Variants in GLT8D2 observed in about 807,000 individuals in gnomAD.
GLT8D2 encodes glycosyltransferase 8 domain containing 2.
GLT8D2 carries 45 observed loss-of-function variants against 44.5 expected under a neutral mutation model. That is an observed-to-expected ratio of 1.01 (90% CI 0.80 to 1.30). GLT8D2 has a LOEUF of 1.30. Among genes scored for constraint, GLT8D2 ranks in the 50% most tolerant of loss-of-function variants. The probability of loss-of-function intolerance (pLI) is 0.00; values close to 1 mark genes in which losing one functional copy is unlikely to be tolerated. For missense variants in GLT8D2, 400 were observed against 430.4 expected, an observed-to-expected ratio of 0.93 and a Z score of 0.62; for synonymous variants, 156 against 157.2, an observed-to-expected ratio of 0.99 and a Z score of 0.06.
chr12:104,002,994 AAGAG>A, intron 5 of GLT8D2, 137 bp downstream of exon 5: 1 of 637,388 alleles, frequency 1.6e-6, no homozygotes, highest in Non-Finnish European at 2.7e-6. Context: ...GAGAGACAGA[AAGAG>A]AGAGGGAGAG....
Position 103,989,435 on chromosome 12 carries a change from C to T in GLT8D2, c.1023G>A (p.Gly341=), listed in dbSNP as rs772386158. 2.5e-6 allele frequency: 4 copies of T among 1,612,266 alleles called. No individual in the cohort carries two copies. The African/African-American group carries it at 4.0e-5, about 16-fold the overall frequency. ...AGCTATGGTGATTGAGTTTAAATAT[C>T]CCTGCAGGGTCAGGAACAAACCAGC... The part of the protein sequence containing the change: ...WESWFVPDPA[G]IFKLNHHS The change falls in exon 11 of 11, where the codon GGG becomes GGA. Residue 341 remains glycine, a synonymous_variant. Transcript: ENST00000360814.
At chr12:104,019,118 C>CTTTTTTTTTTTTTTTTTTTTTTTTT (rs11291563) in intron 3 of GLT8D2, among the ~76,000 whole-genome samples, 1 of 116,464 alleles carries the variant, frequency 8.6e-6, no homozygotes, top group Non-Finnish European at 1.7e-5. Context: ...ACTTCTTCTT[C>CTTTTTTTTTTTTTTTTTTTTTTTTT]TTTTTTTTTT....
At chr12:104,004,708 C>A (rs1874730528) in intron 4 of GLT8D2, among the ~76,000 whole-genome samples, 1 of 152,128 alleles carries the variant, frequency 6.6e-6, no homozygotes, top group Non-Finnish European at 1.5e-5. Context: ...GAACTACAAA[C>A]CACTGCCTCA....
chr12:104,025,968 T>C (rs1476775382), intron 1 of GLT8D2, among the ~76,000 whole-genome samples: 1 of 152,168 alleles, frequency 6.6e-6, no homozygotes, highest in East Asian at 1.9e-4. Context: ...AAAAGTGAGC[T>C]ACATCATCAA....
At chr12:104,040,480 C>T (rs1880414738) in intron 1 of GLT8D2, among the ~76,000 whole-genome samples, 1 of 152,104 alleles carries the variant, frequency 6.6e-6, no homozygotes, top group African/African-American at 2.4e-5. Context: ...GGCTGGAGTG[C>T]AGTCGCTTGA....
intron 10 of GLT8D2, 76 bp downstream of exon 10, chr12:103,993,316 G>T: frequency 3.5e-6 from 4 of 1,136,280 alleles, no homozygotes; most frequent in Non-Finnish European, 5.2e-6. Flanking sequence ...GGGCAGCAGA[G>T]CGAGACTCTG....
intron 4 of GLT8D2, among the ~76,000 whole-genome samples, chr12:104,009,817 A>G (rs1197781477): frequency 1.3e-5 from 2 of 152,166 alleles, no homozygotes; most frequent in Non-Finnish European, 2.9e-5. Flanking sequence ...TGGTTTTATC[A>G]AGGATTTTCA....
intron 4 of GLT8D2, among the ~76,000 whole-genome samples, chr12:104,006,111 T>C (rs1292765057): frequency 4.0e-5 from 6 of 151,820 alleles, no homozygotes; most frequent in Non-Finnish European, 7.4e-5. Flanking sequence ...GAAACCATCA[T>C]TCTCAGCAAA....
chr12:104,000,234 A>T (rs575032982), intron 5 of GLT8D2, among the ~76,000 whole-genome samples: 8 of 152,348 alleles, frequency 5.3e-5, no homozygotes, highest in South Asian at 4.1e-4. Context: ...TGAAAAAATA[A>T]TTGGTCATAT....
chr12:104,012,656 T>C, intron 4 of GLT8D2: 1 of 512,226 alleles, frequency 2.0e-6, no homozygotes, highest in Non-Finnish European at 3.4e-6. Context: ...TTTAGAACAG[T>C]TTATTGAGGT....
At chr12:104,019,118 CTTTTT>C (rs11291563) in intron 3 of GLT8D2, among the ~76,000 whole-genome samples, 3 of 116,464 alleles carry the variant, frequency 2.6e-5, no homozygotes, top group Non-Finnish European at 5.1e-5. Context: ...ACTTCTTCTT[CTTTTT>C]TTTTTTTTTT....
chr12:103,995,857 T>G (rs1442176498), intron 8 of GLT8D2, among the ~76,000 whole-genome samples: 1 of 152,250 alleles, frequency 6.6e-6, no homozygotes, highest in Non-Finnish European at 1.5e-5. Flanking sequence ...GGCCCTTTTC[T>G]AAGAACTTTA....
intron 3 of GLT8D2, among the ~76,000 whole-genome samples, chr12:104,016,774 A>AGAAAGAAGGAAG (rs1566199645): frequency 5.3e-4 from 31 of 58,376 alleles, no homozygotes; most frequent in African/African-American, 2.3e-3. Flanking sequence ...AAAGAAAGAA[A>AGAAAGAAGGAAG]GAAGGAAGGA....
At chr12:104,041,239 C>T (rs929471283) in intron 1 of GLT8D2, among the ~76,000 whole-genome samples, 11 of 152,126 alleles carry the variant, frequency 7.2e-5, no homozygotes, top group Admixed American at 1.3e-4. Context: ...CATGGTAAAA[C>T]GCTGTCTCTA....
rs1420389211 is a variant in GLT8D2 at position 104,022,450 on chromosome 12, T to C, written c.-163-959A>G. ...ATACACACCTCTACCCAACTTCAAG[T>C]AACCCAATATTAAAAGGCCTTTTTG... On this transcript the variant is annotated intron_variant, in intron 1 of 10. Coordinates refer to ENST00000360814, the MANE Select transcript of GLT8D2 (RefSeq NM_001384711.1). 5.3e-5 allele frequency among the ~76,000 whole-genome samples: 8 copies of C among 152,334 alleles called. No individual in the cohort carries two copies. In the East Asian group the frequency reaches 1.5e-3, roughly 29 times the overall value.
At chr12:104,000,058 T>C (rs1328210923) in intron 5 of GLT8D2, among the ~76,000 whole-genome samples, 1 of 152,190 alleles carries the variant, frequency 6.6e-6, no homozygotes, top group Admixed American at 6.5e-5. Context: ...TCTGTTTTCT[T>C]GGTCTTGCAG....
At chr12:103,999,665 C>A (rs1341397660) in intron 5 of GLT8D2, 151 bp from the exon 6 acceptor site, 2 of 597,158 alleles carry the variant, frequency 3.3e-6, no homozygotes, top group East Asian at 5.4e-5. Context: ...ATCCCTCTGA[C>A]TTTTCTCCCC....
upstream of GLT8D2, among the ~76,000 whole-genome samples, chr12:104,053,610 C>T (rs190028386): frequency 1.7e-4 from 26 of 152,266 alleles, no homozygotes; most frequent in African/African-American, 5.3e-4. Flanking sequence ...TTTAGCCGGG[C>T]GCGGTGGCTC....
At chr12:104,001,679 A>C (rs577635888) in intron 5 of GLT8D2, among the ~76,000 whole-genome samples, 2 of 145,754 alleles carry the variant, frequency 1.4e-5, no homozygotes, top group Non-Finnish European at 3.0e-5. Flanking sequence ...TAACACAGAA[A>C]AACTTTATTT....
Sources: gnomAD v4.1 joint callset for allele counts (sites outside exome capture counted in the v4.1 genomes callset) on GRCh38, gnomAD v4.1.1 for gene constraint, MANE v1.5 for transcripts, NCBI Gene and HGNC (gene_info 2026-07-23, HGNC 2026-07-21) for gene names.